Variants in QRFPR observed in about 807,000 individuals in gnomAD.
The protein encoded by QRFPR is pyroglutamylated RFamide peptide receptor.
QRFPR carries 37 observed loss-of-function variants against 31.3 expected under a neutral mutation model. That is an observed-to-expected ratio of 1.18 (90% CI 0.91 to 1.56). The LOEUF (loss-of-function observed/expected upper bound fraction) is 1.56. Among genes scored for constraint, QRFPR ranks in the 40% most tolerant of loss-of-function variants. The pLI is 0.00. For synonymous variants in QRFPR, 197 were observed against 192.0 expected, an observed-to-expected ratio of 1.03 and a Z score of -0.22; for missense variants, 542 against 532.5, an observed-to-expected ratio of 1.02 and a Z score of -0.18.
intron 3 of QRFPR, among the ~76,000 whole-genome samples, chr4:121,335,578 T>TGGGGGGGGGGGGGG (rs773427893): frequency 4.7e-4 from 2 of 4,252 alleles, no homozygotes; most frequent in Non-Finnish European, 7.7e-4. Context: ...GTATGGGGGG[T>TGGGGGGGGGGGGGG]GGGGGGTGGG....
chr4:121,342,809 C>CT (rs1450229078), intron 1 of QRFPR, among the ~76,000 whole-genome samples: 1 of 152,110 alleles, frequency 6.6e-6, no homozygotes, highest in African/African-American at 2.4e-5. Flanking sequence ...GGAGGCTCAT[C>CT]ACTCCTAAAG....
In QRFPR at chr4:121,342,130, G is replaced by A. The variant is rs184184765; in HGVS notation, c.341-1520C>T. ...GCAGCGTCCAATCCACTGAAGGCGC[G>A]AATAGAACACAAAGGCACAGGAAGG... On this transcript the variant is annotated intron_variant, in intron 1 of 5. Coordinates refer to ENST00000394427, the MANE Select transcript of QRFPR (RefSeq NM_198179.3). 2.3e-3 allele frequency among the ~76,000 whole-genome samples: 351 copies of A among 152,290 alleles called. 2 individuals carry two copies. Among genetic ancestry groups the A allele is most frequent in the African/African-American group, 8.0e-3 (331 of 41,554 alleles).
intron 2 of QRFPR, 50 bp downstream of exon 2, chr4:121,340,402 G>C (rs1334634950): frequency 1.3e-6 from 2 of 1,589,034 alleles, no homozygotes; most frequent in Non-Finnish European, 1.7e-6. Flanking sequence ...TCTCTATTCT[G>C]TAATGAAGAA....
chr4:121,380,217 G>GAGAGAA, intron 1 of QRFPR, 91 bp downstream of exon 1: 1 of 733,306 alleles, frequency 1.4e-6, no homozygotes, highest in Non-Finnish European at 2.2e-6. Context: ...GAGAGAGAGA[G>GAGAGAA]AGAGAGAGAG....
intron 1 of QRFPR, among the ~76,000 whole-genome samples, chr4:121,350,798 T>C (rs940813493): frequency 2.0e-5 from 3 of 152,238 alleles, no homozygotes; most frequent in African/African-American, 7.2e-5. Flanking sequence ...TTGAGTGATA[T>C]ATTCATTGCA....
intron 4 of QRFPR, among the ~76,000 whole-genome samples, chr4:121,331,049 T>A (rs918996717): frequency 2.6e-5 from 4 of 151,804 alleles, no homozygotes; most frequent in Non-Finnish European, 4.4e-5. Context: ...GAGAATTTAG[T>A]GAGTCCAGAA....
chr4:121,331,001 C>T (rs921375481), intron 4 of QRFPR, among the ~76,000 whole-genome samples: 2 of 151,862 alleles, frequency 1.3e-5, no homozygotes, highest in African/African-American at 4.8e-5. Context: ...TGCAGTGACT[C>T]ACGCCTGTAA....
intron 1 of QRFPR, among the ~76,000 whole-genome samples, chr4:121,372,270 C>T (rs1005873809): frequency 2.0e-5 from 3 of 152,236 alleles, no homozygotes; most frequent in Non-Finnish European, 2.9e-5. Context: ...ATGGCGCTCC[C>T]TGAGGTGCGT....
chr4:121,361,324 G>T (rs779987250), intron 1 of QRFPR, among the ~76,000 whole-genome samples: 2 of 149,784 alleles, frequency 1.3e-5, no homozygotes, highest in Non-Finnish European at 3.0e-5. Flanking sequence ...CACCCTCCTT[G>T]GTATAATGAT....
intron 1 of QRFPR, among the ~76,000 whole-genome samples, chr4:121,354,926 T>C (rs958864132): frequency 6.6e-6 from 1 of 152,140 alleles, no homozygotes; most frequent in Non-Finnish European, 1.5e-5. Context: ...TCCCACTTGA[T>C]CATAATAAAT....
chr4:121,349,218 A>C (rs1002434608), intron 1 of QRFPR, among the ~76,000 whole-genome samples: 1 of 151,830 alleles, frequency 6.6e-6, no homozygotes. Flanking sequence ...ATGTGTTGAA[A>C]CATGTGTCCT....
intron 4 of QRFPR, among the ~76,000 whole-genome samples, chr4:121,331,978 G>A (rs1236887627): frequency 6.6e-6 from 1 of 152,106 alleles, no homozygotes; most frequent in Non-Finnish European, 1.5e-5. Flanking sequence ...CAACATGGCA[G>A]CTCTTTCTTT....
chr4:121,330,707 G>A (rs1725305538), intron 4 of QRFPR, among the ~76,000 whole-genome samples, 184 bp from the exon 5 acceptor site: 1 of 152,166 alleles, frequency 6.6e-6, no homozygotes, highest in African/African-American at 2.4e-5. Context: ...CATCATAAAT[G>A]TTCTTTGAAT....
intron 3 of QRFPR, chr4:121,334,682 A>G (rs1725399112): frequency 9.0e-6 from 3 of 335,002 alleles, no homozygotes; most frequent in Admixed American, 3.6e-5. Flanking sequence ...TTTTTCATAC[A>G]GTAAGGAGGC....
At chr4:121,363,552 G>T (rs1726030007) in intron 1 of QRFPR, among the ~76,000 whole-genome samples, 1 of 149,638 alleles carries the variant, frequency 6.7e-6, no homozygotes, top group Non-Finnish European at 1.5e-5. Context: ...CCAAATCTAG[G>T]CCAACAAGGT....
intron 1 of QRFPR, among the ~76,000 whole-genome samples, chr4:121,346,368 T>C (rs965908150): frequency 6.6e-6 from 1 of 152,230 alleles, no homozygotes; most frequent in Admixed American, 6.5e-5. Flanking sequence ...ATCATTAATA[T>C]ATAGAAACGT....
intron 4 of QRFPR, 112 bp downstream of exon 4, chr4:121,332,709 C>T: frequency 2.6e-6 from 2 of 772,182 alleles, no homozygotes; most frequent in Non-Finnish European, 4.2e-6. Flanking sequence ...ATTTGAATTG[C>T]AAAGGATGCT....
At chr4:121,370,698 A>G (rs1726223754) in intron 1 of QRFPR, among the ~76,000 whole-genome samples, 1 of 152,226 alleles carries the variant, frequency 6.6e-6, no homozygotes, top group Admixed American at 6.5e-5. Context: ...TCAATCCCAC[A>G]GGAAATTTTT....
intron 1 of QRFPR, among the ~76,000 whole-genome samples, chr4:121,355,236 T>C (rs2110476590): frequency 6.6e-6 from 1 of 152,226 alleles, no homozygotes; most frequent in East Asian, 1.9e-4. Context: ...TATTACTGCT[T>C]TTGTCTCATT....
Sources: gnomAD v4.1 joint callset for allele counts (sites outside exome capture counted in the v4.1 genomes callset) on GRCh38, gnomAD v4.1.1 for gene constraint, MANE v1.5 for transcripts, NCBI Gene and HGNC (gene_info 2026-07-23, HGNC 2026-07-21) for gene names.